The following TSNARE1 variants were observed in gnomAD, a reference collection of about 807,000 sequenced individuals.
TSNARE1 encodes t-SNARE domain-containing protein 1.
In TSNARE1, 49 loss-of-function variants were observed where a neutral mutation model predicts 62.0. The observed-to-expected ratio is 0.79, with a 90% CI of 0.63 to 1.00. The LOEUF is 1.00. TSNARE1 is among the 50% of genes least tolerant of loss of function. TSNARE1 has a pLI of 0.00. For missense variants in TSNARE1, 755 were observed against 700.1 expected, an observed-to-expected ratio of 1.08 and a Z score of -0.88; for synonymous variants, 328 against 294.4, an observed-to-expected ratio of 1.11 and a Z score of -1.17.
In TSNARE1 at chr8:142,277,959, C is replaced by T. The variant is rs902180760; in HGVS notation, c.1364-3096G>A. On this transcript the variant is annotated intron_variant, in intron 11 of 13. Transcript: ENST00000524325. Reference sequence around the variant, plus strand: ...TCCTTGCCATGAAGCACCCCCAAACCAGGTCTGCCTCTGCCCATAGGACCC... The same window carrying T: ...TCCTTGCCATGAAGCACCCCCAAACTAGGTCTGCCTCTGCCCATAGGACCC... The T allele has an allele frequency of 2.1e-5, 21 of 985,314 alleles. No homozygotes were observed. The African/African-American group carries it at 3.5e-4, about 16-fold the overall frequency. The allele number at this position is 985,314 out of a possible 1,614,324, so 61.0% of individuals were successfully genotyped here. A position where few individuals can be genotyped will look rare whatever the true frequency, so the allele number is the denominator to read the frequency against.
intron 10 of TSNARE1, among the ~76,000 whole-genome samples, chr8:142,294,267 G>C (rs941091385): frequency 6.6e-6 from 1 of 152,142 alleles, no homozygotes; most frequent in Non-Finnish European, 1.5e-5. Context: ...GAGTTTGCAG[G>C]GACGAGGCAG....
intron 11 of TSNARE1, chr8:142,275,608 G>T: frequency 2.0e-6 from 2 of 985,382 alleles, no homozygotes; most frequent in Non-Finnish European, 2.4e-6. Flanking sequence ...GTCCTCAACA[G>T]AGCCACATGC....
chr8:142,307,205 T>C (rs1826840539), intron 9 of TSNARE1, among the ~76,000 whole-genome samples: 2 of 152,204 alleles, frequency 1.3e-5, no homozygotes. Flanking sequence ...GGACTCAGCG[T>C]TATGTCCGAG....
intron 11 of TSNARE1, chr8:142,276,350 G>A: frequency 1.0e-6 from 1 of 985,478 alleles, no homozygotes; most frequent in Non-Finnish European, 1.2e-6. Context: ...AGGAAGATGG[G>A]GCCAGAGGTG....
At position 142,308,345 on chromosome 8, in the gene TSNARE1, C is replaced by T. The variant is rs999156465; in HGVS notation, c.1131+6039G>A. On this transcript the variant is annotated intron_variant, in intron 9 of 13. Coordinates refer to ENST00000524325, the MANE Select transcript of TSNARE1 (RefSeq NM_145003.5). The stretch of plus-strand genomic sequence containing the variant: ...ATGTGCTACTGCCTTATCTTTCGCA[C>T]GTGGGTCTGTAGTCCGGCTGGAAGT... Among the ~76,000 whole-genome samples the T allele has an allele frequency of 3.9e-5, 6 of 152,154 alleles. No homozygotes were observed. In the East Asian group the frequency reaches 7.7e-4, roughly 20 times the overall value.
chr8:142,340,049 C>G (rs950742357), intron 4 of TSNARE1, among the ~76,000 whole-genome samples: 8 of 152,178 alleles, frequency 5.3e-5, no homozygotes, highest in Non-Finnish European at 8.8e-5. Context: ...CCAGACTGGC[C>G]AGCACAGGGC....
At chr8:142,343,873 G>A in intron 4 of TSNARE1, 93 bp downstream of exon 4, 1 of 1,247,012 alleles carries the variant, frequency 8.0e-7, no homozygotes, top group South Asian at 2.0e-5. Flanking sequence ...AGTCACTGTG[G>A]AGGAAGATGC....
chr8:142,365,443 A>G (rs768522879), intron 1 of TSNARE1, among the ~76,000 whole-genome samples: 5 of 152,222 alleles, frequency 3.3e-5, no homozygotes, highest in Non-Finnish European at 5.9e-5. Context: ...TATGAACACA[A>G]CCTTTAGAAT....
intron 12 of TSNARE1, among the ~76,000 whole-genome samples, chr8:142,262,968 C>T (rs888196492): frequency 4.6e-5 from 7 of 152,218 alleles, no homozygotes; most frequent in African/African-American, 1.7e-4. Context: ...CACAAACTCT[C>T]TTATAAATTC....
chr8:142,277,521 G>T (rs1382644982), intron 11 of TSNARE1: 1 of 985,344 alleles, frequency 1.0e-6, no homozygotes, highest in Non-Finnish European at 1.2e-6. Flanking sequence ...GGGGCAACTG[G>T]GCCTGCAGCT....
intron 12 of TSNARE1, among the ~76,000 whole-genome samples, chr8:142,238,949 G>A (rs1183884526): frequency 6.6e-6 from 1 of 152,106 alleles, no homozygotes; most frequent in Non-Finnish European, 1.5e-5. Flanking sequence ...TTGCTAGCAC[G>A]GCTTCCACAG....
At chr8:142,346,679 A>G (rs1243476689) in intron 2 of TSNARE1, among the ~76,000 whole-genome samples, 1 of 152,228 alleles carries the variant, frequency 6.6e-6, no homozygotes, top group Non-Finnish European at 1.5e-5. Flanking sequence ...GGTAGGTCAC[A>G]AGGATGCTGC....
chr8:142,276,302 G>A, intron 11 of TSNARE1: 1 of 985,410 alleles, frequency 1.0e-6, no homozygotes, highest in Non-Finnish European at 1.2e-6. Flanking sequence ...TGCCACATTA[G>A]GGTCACGACC....
intron 6 of TSNARE1, among the ~76,000 whole-genome samples, chr8:142,328,604 T>G (rs79825816): frequency 0.013 from 2,007 of 152,326 alleles, 42 homozygotes; most frequent in African/African-American, 0.046. Context: ...GAGCGCTAGT[T>G]CTTCTTTTCG....
chr8:142,262,488 T>C (rs1428526333), intron 12 of TSNARE1, among the ~76,000 whole-genome samples: 1 of 152,222 alleles, frequency 6.6e-6, no homozygotes. Context: ...AGCTTACTTA[T>C]TAATATGGTT....
At chr8:142,395,643 C>T (rs1056355112) in intron 1 of TSNARE1, among the ~76,000 whole-genome samples, 1 of 152,238 alleles carries the variant, frequency 6.6e-6, no homozygotes, top group African/African-American at 2.4e-5. Context: ...AGGCTGTGAC[C>T]GGCGAAAACG....
chr8:142,244,785 C>A (rs532247295), intron 12 of TSNARE1, among the ~76,000 whole-genome samples: 9 of 152,128 alleles, frequency 5.9e-5, no homozygotes, highest in African/African-American at 2.2e-4. Flanking sequence ...GCCCACAGAG[C>A]GGAAAGGGAG....
chr8:142,387,894 A>G (rs1274323039), intron 1 of TSNARE1, among the ~76,000 whole-genome samples: 1 of 152,236 alleles, frequency 6.6e-6, no homozygotes, highest in African/African-American at 2.4e-5. Context: ...TATAACTTCT[A>G]TATTATGTTT....
chr8:142,307,901 T>C (rs1826952298), intron 9 of TSNARE1, among the ~76,000 whole-genome samples: 1 of 152,214 alleles, frequency 6.6e-6, no homozygotes, highest in South Asian at 2.1e-4. Flanking sequence ...AGGTTTTCAC[T>C]CATGTTTGCT....
Sources: gnomAD v4.1 joint callset for allele counts (sites outside exome capture counted in the v4.1 genomes callset) on GRCh38, gnomAD v4.1.1 for gene constraint, MANE v1.5 for transcripts, NCBI Gene and HGNC (gene_info 2026-07-23, HGNC 2026-07-21) for gene names.